Variants in INPP5A observed in about 807,000 individuals in gnomAD.
The protein encoded by INPP5A is inositol polyphosphate-5-phosphatase A, also known as 43 kDa inositol polyphosphate 5-phophatase.
In INPP5A, 14 loss-of-function variants were observed where a neutral mutation model predicts 65.2. That is an observed-to-expected ratio of 0.21 (90% confidence interval 0.14 to 0.34). INPP5A has a LOEUF of 0.34. Ranked by LOEUF, INPP5A falls within the 10% of genes least tolerant of loss-of-function variation. The pLI is 1.00. For missense variants in INPP5A, 431 were observed against 545.6 expected (o/e 0.79, Z 2.09); for synonymous variants, 207 against 208.3 (o/e 0.99, Z 0.05).
At chr10:132,730,030 G>T (rs1340548496) in intron 9 of INPP5A, among the ~76,000 whole-genome samples, 1 of 152,218 alleles carries the variant, frequency 6.6e-6, no homozygotes, top group African/African-American at 2.4e-5. Flanking sequence ...CGTCCTTCAG[G>T]AATTGAGTCG....
rs147540587 is a variant in INPP5A, at chr10:132,702,104, C to G, written c.474+4185C>G. On this transcript the variant is annotated intron_variant, in intron 6 of 15. Coordinates refer to ENST00000368594, the MANE Select transcript of INPP5A (RefSeq NM_005539.5). ...GCTTCATTTGTTCCTGCTGTAAAATCCCTCGAAACATAGTCTTAGTGCAGT... is the reference window on the plus strand; with the variant it reads ...GCTTCATTTGTTCCTGCTGTAAAATGCCTCGAAACATAGTCTTAGTGCAGT... Among the ~76,000 whole-genome samples the G allele has an allele frequency of 2.0e-3, 303 of 152,358 alleles. 3 individuals carry two copies. Among genetic ancestry groups the G allele is most frequent in the African/African-American group, 5.9e-3 (246 of 41,586 alleles).
intron 9 of INPP5A, 86 bp downstream of exon 9, chr10:132,726,991 C>T (rs1845997578): frequency 1.2e-6 from 1 of 850,722 alleles, no homozygotes; most frequent in Admixed American, 2.7e-5. Context: ...CCCTTACTGG[C>T]ACTTTCAATG....
intron 9 of INPP5A, among the ~76,000 whole-genome samples, chr10:132,730,044 C>T (rs973432327): frequency 3.3e-5 from 5 of 152,230 alleles, no homozygotes; most frequent in African/African-American, 1.2e-4. Context: ...TGAGTCGTCA[C>T]TGTTTTTTAT....
In INPP5A at chr10:132,746,648, C is replaced by A. The variant is rs147626759; in HGVS notation, c.733-2869C>A. ...GGATGACCCTGGCACACAGCGTTCC[C>A]GTTAAATTCTAAGTGTGGATAAGAC... On this transcript the variant is annotated intron_variant, in intron 9 of 15. Coordinates refer to ENST00000368594, the MANE Select transcript of INPP5A (RefSeq NM_005539.5). Among the ~76,000 whole-genome samples the A allele has an allele frequency of 5.9e-5, 9 of 152,298 alleles. No individual in the cohort carries two copies. The East Asian group carries it at 1.7e-3, about 29-fold the overall frequency.
chr10:132,558,080 GTCT>G (rs569024761), intron 1 of INPP5A, among the ~76,000 whole-genome samples: 1 of 152,330 alleles, frequency 6.6e-6, no homozygotes, highest in East Asian at 1.9e-4. Flanking sequence ...TGGCCACCGT[GTCT>G]TCTTAACTGG....
chr10:132,636,163 A>ATGTGTGTGTGTG (rs59663030), intron 2 of INPP5A, among the ~76,000 whole-genome samples: 4,463 of 149,700 alleles, frequency 0.03, 80 homozygotes, highest in African/African-American at 0.048. Flanking sequence ...GATAAACAAA[A>ATGTGTGTGTGTG]TGTGTGTGTG....
At chr10:132,737,142 C>T (rs886074424) in intron 9 of INPP5A, among the ~76,000 whole-genome samples, 5 of 152,222 alleles carry the variant, frequency 3.3e-5, no homozygotes, top group African/African-American at 4.8e-5. Context: ...CGGCTGCAGT[C>T]GGCGCAGCCC....
intron 1 of INPP5A, among the ~76,000 whole-genome samples, chr10:132,581,271 G>A (rs1381707223): frequency 6.6e-6 from 1 of 152,164 alleles, no homozygotes; most frequent in Non-Finnish European, 1.5e-5. Context: ...CTGTTCTCCT[G>A]TCGACAGGAG....
At chr10:132,680,447 G>T (rs933557370) in intron 4 of INPP5A, among the ~76,000 whole-genome samples, 1 of 152,254 alleles carries the variant, frequency 6.6e-6, no homozygotes, top group African/African-American at 2.4e-5. Context: ...ATACCCATTA[G>T]GATGGCTGTT....
chr10:132,563,478 T>C (rs2071232026), intron 1 of INPP5A, among the ~76,000 whole-genome samples: 1 of 152,178 alleles, frequency 6.6e-6, no homozygotes, highest in South Asian at 2.1e-4. Flanking sequence ...CAAAAACCTA[T>C]TGCTTTATGT....
chr10:132,772,468 A>G (rs1457224819), intron 12 of INPP5A, among the ~76,000 whole-genome samples: 5 of 128,002 alleles, frequency 3.9e-5, no homozygotes, highest in South Asian at 2.8e-4. Context: ...CACCCCATGA[A>G]GAGTGGGACA....
At chr10:132,732,666 A>G (rs1311354877) in intron 9 of INPP5A, among the ~76,000 whole-genome samples, 1 of 152,050 alleles carries the variant, frequency 6.6e-6, no homozygotes, top group Non-Finnish European at 1.5e-5. Flanking sequence ...GAGTCACAGG[A>G]CCCTGGAACC....
chr10:132,613,280 G>T lies in INPP5A; in HGVS notation c.117+5324G>T, dbSNP rs371906446. Among the ~76,000 whole-genome samples, 26 of 143,098 alleles carry T rather than the reference G, an allele frequency of 1.8e-4. No individual in the cohort carries two copies. The East Asian group carries it at 3.6e-3, about 20-fold the overall frequency. 93.9% of individuals were successfully genotyped at this position (143,098 alleles called of 152,430 possible). The stretch of plus-strand genomic sequence containing the variant: ...GACCCCCTCCTTCCCGAGTCCCCCC[G>T]CAGGGCCCCCTCCTTCCCGAGTCCC... On this transcript the variant is annotated intron_variant, in intron 2 of 15. Coordinates refer to ENST00000368594, the MANE Select transcript of INPP5A (RefSeq NM_005539.5).
Position 132,750,237 on chromosome 10 carries a change from C to T in INPP5A, c.903+392C>T, listed in dbSNP as rs534227052. Among the ~76,000 whole-genome samples the T allele has an allele frequency of 3.3e-5, 5 of 152,372 alleles. No individual in the cohort carries two copies. The East Asian group carries it at 7.7e-4, about 24-fold the overall frequency. ...GGGAGCAGGTTCCTCACACTCCTGTCGCTAGACTTGCTGTGTGTGGGTCTG... is the reference window on the plus strand; with the variant it reads ...GGGAGCAGGTTCCTCACACTCCTGTTGCTAGACTTGCTGTGTGTGGGTCTG... On this transcript the variant is annotated intron_variant, in intron 11 of 15. Transcript: ENST00000368594.
intron 2 of INPP5A, among the ~76,000 whole-genome samples, chr10:132,638,056 T>C (rs181596019): frequency 7.2e-5 from 11 of 152,322 alleles, no homozygotes; most frequent in Admixed American, 6.5e-4. Context: ...TGGGCAGTGA[T>C]TGGGGTCTGG....
At chr10:132,718,368 G>A (rs1462854074) in intron 8 of INPP5A, among the ~76,000 whole-genome samples, 2 of 151,538 alleles carry the variant, frequency 1.3e-5, no homozygotes, top group African/African-American at 4.8e-5. Context: ...TCAGGGTTCT[G>A]TGGTGCCTGG....
rs141313551 is a variant in INPP5A, at chr10:132,741,423, G to A, written c.733-8094G>A. Among the ~76,000 whole-genome samples the A allele has an allele frequency of 1.9e-4, 29 of 152,246 alleles. No homozygotes were observed. Among genetic ancestry groups the A allele is most frequent in the East Asian group, 1.4e-3 (7 of 5,180 alleles). ...CAGGTTCACACCACGGGAACTTCTCGGCATCTGTGCCAGGAAAGTTAGAGC... is the reference window on the plus strand; with the variant it reads ...CAGGTTCACACCACGGGAACTTCTCAGCATCTGTGCCAGGAAAGTTAGAGC... On this transcript the variant is annotated intron_variant, in intron 9 of 15. Coordinates refer to ENST00000368594, the MANE Select transcript of INPP5A (RefSeq NM_005539.5). The surrounding 1 kb of genome is among the most constrained non-coding windows in gnomAD (Gnocchi z 4.4).
intron 4 of INPP5A, among the ~76,000 whole-genome samples, chr10:132,654,930 A>T (rs979461197): frequency 1.1e-4 from 17 of 152,190 alleles, no homozygotes; most frequent in Non-Finnish European, 2.1e-4. Context: ...AGAGTTTCCT[A>T]CCGGAGATGA....
chr10:132,576,643 T>C (rs906804893), intron 1 of INPP5A, among the ~76,000 whole-genome samples: 1 of 152,252 alleles, frequency 6.6e-6, no homozygotes, highest in African/African-American at 2.4e-5. Flanking sequence ...GAGAGTGTTC[T>C]AAATGATCTT....
Sources: allele counts gnomAD v4.1 joint callset (sites outside exome capture counted in the v4.1 genomes callset), GRCh38; gene constraint gnomAD v4.1.1; non-coding constraint Gnocchi (gnomAD v3.1); transcripts MANE v1.5; gene names NCBI Gene and HGNC (gene_info 2026-07-23, HGNC 2026-07-21).